Variants in MDGA2 observed in about 807,000 individuals in gnomAD.
MDGA2 encodes MAM domain-containing glycosylphosphatidylinositol anchor protein 2.
Under a neutral mutation model 117.8 loss-of-function variants are expected in MDGA2, and 40 were observed. The observed-to-expected ratio is 0.34, with a 90% CI of 0.26 to 0.44. The LOEUF is 0.44. Among genes scored for constraint, MDGA2 ranks in the 20% least tolerant of loss-of-function variants. MDGA2 has a pLI of 1.00. For missense variants in MDGA2, 1,123 were observed against 1,250.6 expected, an observed-to-expected ratio of 0.90 and a Z score of 1.54; for synonymous variants, 452 against 439.0, an observed-to-expected ratio of 1.03 and a Z score of -0.37.
At chr14:47,122,075 CTG>C (rs1195596166) in intron 5 of MDGA2, among the ~76,000 whole-genome samples, 2 of 151,876 alleles carry the variant, frequency 1.3e-5, no homozygotes, top group African/African-American at 4.8e-5. Context: ...CTCATTTCCT[CTG>C]TGTTTTATTA....
At chr14:47,275,886 C>T (rs957668814) in intron 2 of MDGA2, among the ~76,000 whole-genome samples, 1 of 152,122 alleles carries the variant, frequency 6.6e-6, no homozygotes, top group Non-Finnish European at 1.5e-5. Flanking sequence ...ACACACAGTT[C>T]CTGTTCTTCC....
At chr14:46,847,632 G>A (rs1204064714) in intron 15 of MDGA2, among the ~76,000 whole-genome samples, 2 of 151,708 alleles carry the variant, frequency 1.3e-5, no homozygotes, top group Non-Finnish European at 2.9e-5. Context: ...AAAAATGAAC[G>A]GTATGAACAT....
chr14:46,940,077 T>G lies in MDGA2; in HGVS notation c.2089+17297A>C, dbSNP rs563852502. Among the ~76,000 whole-genome samples, 3 of 152,304 alleles carry G rather than the reference T, an allele frequency of 2.0e-5. No individual in the cohort carries two copies. In the East Asian group the frequency reaches 5.8e-4, roughly 29 times the overall value. Reference sequence around the variant, plus strand: ...ACTTTCTGATAGGATGGAGGACTTATTGCAAAAGGGTCTCCACTTTGCCTC... The same window carrying G: ...ACTTTCTGATAGGATGGAGGACTTAGTGCAAAAGGGTCTCCACTTTGCCTC... On this transcript the variant is annotated intron_variant, in intron 9 of 16. Coordinates refer to ENST00000399232, the MANE Select transcript of MDGA2 (RefSeq NM_001113498.3).
intron 7 of MDGA2, among the ~76,000 whole-genome samples, chr14:47,040,435 T>C (rs1016856673): frequency 6.6e-6 from 1 of 152,196 alleles, no homozygotes; most frequent in African/African-American, 2.4e-5. Context: ...AAAATGTTAA[T>C]TCAATCTATT....
At chr14:47,518,206 GA>G (rs1341294094) in intron 1 of MDGA2, among the ~76,000 whole-genome samples, 1 of 152,142 alleles carries the variant, frequency 6.6e-6, no homozygotes, top group African/African-American at 2.4e-5. Flanking sequence ...ACTGTAACCA[GA>G]AAAACTTGCT....
rs556549592 is a variant in MDGA2 at position 47,612,715 on chromosome 14, C to T, written c.280+61802G>A. The stretch of plus-strand genomic sequence containing the variant: ...CTATCTATACTTTGTTTTTTTCCCA[C>T]AAGAGGTGCTAAAATAGCATTTCTA... On this transcript the variant is annotated intron_variant, in intron 1 of 16. Coordinates refer to ENST00000399232, the MANE Select transcript of MDGA2 (RefSeq NM_001113498.3). Among the ~76,000 whole-genome samples the T allele has an allele frequency of 1.3e-4, 20 of 152,138 alleles. No homozygotes were observed. The South Asian group carries it at 3.9e-3, about 30-fold the overall frequency.
At chr14:47,559,108 T>C (rs1317761717) in intron 1 of MDGA2, among the ~76,000 whole-genome samples, 4 of 152,138 alleles carry the variant, frequency 2.6e-5, no homozygotes, top group Admixed American at 2.6e-4. Flanking sequence ...AACTTTTAGG[T>C]TCAAGGGTAC....
At chr14:47,233,806 T>C (rs1351225023) in intron 2 of MDGA2, among the ~76,000 whole-genome samples, 1 of 152,144 alleles carries the variant, frequency 6.6e-6, no homozygotes, top group Non-Finnish European at 1.5e-5. Flanking sequence ...TAGACATTTC[T>C]GAGAACATTT....
intron 1 of MDGA2, among the ~76,000 whole-genome samples, chr14:47,595,437 G>A (rs1235333981): frequency 1.3e-5 from 2 of 151,494 alleles, no homozygotes; most frequent in Non-Finnish European, 2.9e-5. Context: ...GGGAGGCTGA[G>A]GCACGAGAAT....
chr14:47,129,641 GT>G, intron 5 of MDGA2, among the ~76,000 whole-genome samples: 1 of 150,218 alleles, frequency 6.7e-6, no homozygotes, highest in African/African-American at 2.5e-5. Flanking sequence ...GGTATTTCTA[GT>G]TCTAGATCCC....
At chr14:47,192,219 CCGAA>C (rs1885140516) in intron 3 of MDGA2, among the ~76,000 whole-genome samples, 2 of 152,012 alleles carry the variant, frequency 1.3e-5, no homozygotes, top group Non-Finnish European at 2.9e-5. Flanking sequence ...AGGTATGGGA[CCGAA>C]CGAGGTGGCT....
intron 1 of MDGA2, among the ~76,000 whole-genome samples, chr14:47,520,538 G>T (rs917936358): frequency 6.6e-6 from 1 of 152,080 alleles, no homozygotes; most frequent in Non-Finnish European, 1.5e-5. Context: ...ACTTTTCAAG[G>T]CCTGAGAAAT....
At chr14:47,161,070 T>G (rs1437439361) in intron 3 of MDGA2, among the ~76,000 whole-genome samples, 1 of 152,200 alleles carries the variant, frequency 6.6e-6, no homozygotes, top group Non-Finnish European at 1.5e-5. Flanking sequence ...TTTGTCATTT[T>G]TATTTTTCTT....
chr14:47,545,622 G>C (rs995073512), intron 1 of MDGA2, among the ~76,000 whole-genome samples: 7 of 152,206 alleles, frequency 4.6e-5, no homozygotes, highest in South Asian at 2.1e-4. Flanking sequence ...TTCCAACAAA[G>C]CTTTATTCCC....
intron 2 of MDGA2, among the ~76,000 whole-genome samples, chr14:47,253,385 C>T (rs999927302): frequency 3.3e-5 from 5 of 152,182 alleles, no homozygotes; most frequent in African/African-American, 1.2e-4. Context: ...AGGGTACAGA[C>T]ATTGGGTAAA....
chr14:47,084,645 C>T (rs1399145053), intron 6 of MDGA2, among the ~76,000 whole-genome samples: 1 of 152,064 alleles, frequency 6.6e-6, no homozygotes, highest in African/African-American at 2.4e-5. Flanking sequence ...AGTATCAGGA[C>T]GTGGAGCTTT....
chr14:47,410,477 C>T (rs547652474), intron 1 of MDGA2, among the ~76,000 whole-genome samples: 1 of 152,220 alleles, frequency 6.6e-6, no homozygotes, highest in East Asian at 1.9e-4. Context: ...TTTACTTCCT[C>T]ACTCTTCTTA....
intron 3 of MDGA2, among the ~76,000 whole-genome samples, chr14:47,153,597 G>T (rs1883245790): frequency 6.6e-6 from 1 of 151,894 alleles, no homozygotes. Flanking sequence ...TCATCAGTAT[G>T]CTGTGGAGGG....
chr14:47,348,819 C>CA (rs1230121234), intron 1 of MDGA2, among the ~76,000 whole-genome samples: 2 of 152,058 alleles, frequency 1.3e-5, no homozygotes, highest in Admixed American at 6.5e-5. Context: ...ATCTAAAAGT[C>CA]ATTGCTGAAT....
Sources: allele counts gnomAD v4.1 joint callset (sites outside exome capture counted in the v4.1 genomes callset), GRCh38; gene constraint gnomAD v4.1.1; transcripts MANE v1.5; gene names NCBI Gene and HGNC (gene_info 2026-07-23, HGNC 2026-07-21).